The following LRRC4C variants were observed in gnomAD, a reference collection of about 807,000 sequenced individuals.
The protein encoded by LRRC4C is leucine rich repeat containing 4C.
A neutral mutation model predicts 33.6 loss-of-function variants in LRRC4C; 5 were observed. The ratio of observed to expected loss-of-function variants is 0.15; its 90% confidence interval spans 0.08 to 0.31. The LOEUF is 0.31. LRRC4C is among the 10% of genes least tolerant of loss of function. The probability of loss-of-function intolerance (pLI) is 1.00; values close to 1 mark genes in which losing one functional copy is unlikely to be tolerated. For synonymous variants in LRRC4C, 329 were observed against 302.0 expected, an observed-to-expected ratio of 1.09 and a Z score of -0.93; for missense variants, 560 against 796.7, an observed-to-expected ratio of 0.70 and a Z score of 3.58.
At chr11:40,585,310 G>C (rs151039385) in intron 3 of LRRC4C, among the ~76,000 whole-genome samples, 1 of 152,082 alleles carries the variant, frequency 6.6e-6, no homozygotes, top group Non-Finnish European at 1.5e-5. Context: ...TAAAATGCTA[G>C]ATGTGTAGCT....
chr11:41,275,865 C>G (rs1949467788), intron 1 of LRRC4C, among the ~76,000 whole-genome samples: 1 of 152,052 alleles, frequency 6.6e-6, no homozygotes, highest in Non-Finnish European at 1.5e-5. Flanking sequence ...TATCAAAGAG[C>G]AAGTAAAGCA....
intron 4 of LRRC4C, among the ~76,000 whole-genome samples, chr11:40,314,393 C>CA (rs1352814917): frequency 2.0e-5 from 3 of 151,716 alleles, no homozygotes; most frequent in Non-Finnish European, 4.4e-5. Flanking sequence ...AAAAGAAAAA[C>CA]AAAAAAACAA....
intron 2 of LRRC4C, among the ~76,000 whole-genome samples, chr11:40,857,834 G>A (rs1206850318): frequency 6.6e-6 from 1 of 152,022 alleles, no homozygotes; most frequent in Non-Finnish European, 1.5e-5. Context: ...AGGATTGCTT[G>A]AGCCCAGGAG....
intron 5 of LRRC4C, among the ~76,000 whole-genome samples, chr11:40,232,403 G>A (rs1253031816): frequency 6.6e-6 from 1 of 152,066 alleles, no homozygotes; most frequent in African/African-American, 2.4e-5. Flanking sequence ...ACAAGACAAA[G>A]TTTCCTGTTA....
chr11:41,347,431 ACT>A (rs1302284000), intron 1 of LRRC4C, among the ~76,000 whole-genome samples: 1 of 152,082 alleles, frequency 6.6e-6, no homozygotes, highest in Non-Finnish European at 1.5e-5. Context: ...GGCATCCCTG[ACT>A]CTCTAGGGTA....
At chr11:40,574,037 C>G (rs940759855) in intron 3 of LRRC4C, among the ~76,000 whole-genome samples, 2 of 152,042 alleles carry the variant, frequency 1.3e-5, no homozygotes, top group African/African-American at 4.8e-5. Flanking sequence ...ACTGACACAG[C>G]AATTGTCACA....
chr11:41,042,369 T>C (rs1857493190), intron 1 of LRRC4C, among the ~76,000 whole-genome samples: 1 of 152,174 alleles, frequency 6.6e-6, no homozygotes, highest in East Asian at 1.9e-4. Flanking sequence ...TCTGAGTCCC[T>C]TTACAGGCAT....
intron 2 of LRRC4C, among the ~76,000 whole-genome samples, chr11:40,766,471 A>C (rs1313284324): frequency 6.6e-6 from 1 of 151,460 alleles, no homozygotes; most frequent in African/African-American, 2.4e-5. Context: ...ATAACACTGT[A>C]ATTGTGGTGT....
rs150751865 is a variant in LRRC4C at position 41,131,810 on chromosome 11, C to T, written c.-495-198087G>A. On this transcript the variant is annotated intron_variant, in intron 1 of 6. Coordinates refer to ENST00000528697, the MANE Select transcript of LRRC4C (RefSeq NM_001258419.2). ...GTTCATCCTCACTGTTCATTATACGCTAATTATAATGCATTAGACTGTTAA... is the reference window on the plus strand; with the variant it reads ...GTTCATCCTCACTGTTCATTATACGTTAATTATAATGCATTAGACTGTTAA... Among the ~76,000 whole-genome samples, 410 of 152,186 alleles carry T rather than the reference C, an allele frequency of 2.7e-3. 1 individual carries two copies. The highest frequency in any genetic ancestry group is 8.0e-3 in the African/African-American group (333 of 41,538).
chr11:40,929,224 T>C (rs1957510418), intron 2 of LRRC4C, among the ~76,000 whole-genome samples: 1 of 152,170 alleles, frequency 6.6e-6, no homozygotes, highest in Non-Finnish European at 1.5e-5. Context: ...GCCTTCCTTT[T>C]TGGCAAATAT....
At chr11:41,054,922 C>T (rs1858508390) in intron 1 of LRRC4C, among the ~76,000 whole-genome samples, 1 of 152,136 alleles carries the variant, frequency 6.6e-6, no homozygotes, top group African/African-American at 2.4e-5. Flanking sequence ...TGTACACCGA[C>T]TTGTATTGTA....
intron 1 of LRRC4C, among the ~76,000 whole-genome samples, chr11:40,976,462 A>C (rs1043147261): frequency 2.6e-5 from 4 of 152,246 alleles, no homozygotes; most frequent in Non-Finnish European, 5.9e-5. Context: ...CACTGGTCAC[A>C]CAGTGTTTGT....
rs1950128528 is a variant in LRRC4C at position 41,295,910 on chromosome 11, G to A, written c.-496+163521C>T. ...CCTGCTCAAGTGGCTTGCCACAGAG[G>A]TGACACGATAAGAAATATCTAATCC... On this transcript the variant is annotated intron_variant, in intron 1 of 6. Transcript: ENST00000528697. Among the ~76,000 whole-genome samples, 4 of 152,174 alleles carry A rather than the reference G, an allele frequency of 2.6e-5. 1 individual carries two copies. In the South Asian group the frequency reaches 8.3e-4, roughly 32 times the overall value.
chr11:41,118,020 T>G (rs1437914458), intron 1 of LRRC4C, among the ~76,000 whole-genome samples: 1 of 152,184 alleles, frequency 6.6e-6, no homozygotes, highest in Admixed American at 6.5e-5. Flanking sequence ...GTTTAGGTAA[T>G]AATTCTAAAA....
intron 2 of LRRC4C, among the ~76,000 whole-genome samples, chr11:40,749,943 A>G (rs1428097191): frequency 6.6e-6 from 1 of 152,200 alleles, no homozygotes; most frequent in Non-Finnish European, 1.5e-5. Flanking sequence ...AAGAAGAAAT[A>G]TAAAACCTGA....
chr11:40,613,069 A>G (rs1961397068), intron 3 of LRRC4C, among the ~76,000 whole-genome samples: 1 of 151,898 alleles, frequency 6.6e-6, no homozygotes, highest in Admixed American at 6.6e-5. Flanking sequence ...TCTTGCCTCA[A>G]TATTGATGCT....
Position 41,316,273 on chromosome 11 carries a change from A to C in LRRC4C, c.-496+143158T>G, listed in dbSNP as rs139568400. 2.5e-3 allele frequency among the ~76,000 whole-genome samples: 370 copies of C among 150,216 alleles called. 6 individuals carry two copies. Among genetic ancestry groups the C allele is most frequent in the African/African-American group, 8.3e-3 (342 of 41,044 alleles). ...AAATCTCTGGATGGCAAAAAAAAAA[A>C]AAAAAACAAAAAAAAACAAACATGA... On this transcript the variant is annotated intron_variant, in intron 1 of 6. Coordinates refer to ENST00000528697, the MANE Select transcript of LRRC4C (RefSeq NM_001258419.2).
intron 1 of LRRC4C, among the ~76,000 whole-genome samples, chr11:41,102,098 A>G (rs1171947041): frequency 6.6e-6 from 1 of 152,068 alleles, no homozygotes; most frequent in East Asian, 1.9e-4. Context: ...GAGTTTTCCT[A>G]TATAACAAAC....
At chr11:40,179,542 T>G (rs1365728026) in intron 5 of LRRC4C, among the ~76,000 whole-genome samples, 4 of 152,150 alleles carry the variant, frequency 2.6e-5, no homozygotes, top group Non-Finnish European at 5.9e-5. Flanking sequence ...TTGGCCTCCT[T>G]TGCTTATAAC....
Sources: allele counts gnomAD v4.1 joint callset (sites outside exome capture counted in the v4.1 genomes callset), GRCh38; gene constraint gnomAD v4.1.1; transcripts MANE v1.5; gene names NCBI Gene and HGNC (gene_info 2026-07-23, HGNC 2026-07-21).